The following BAALC variants were observed in gnomAD, a reference collection of about 807,000 sequenced individuals.
The protein encoded by BAALC is BAALC binder of MAP3K1 and KLF4.
A neutral mutation model predicts 15.5 loss-of-function variants in BAALC; 9 were observed. The ratio of observed to expected loss-of-function variants is 0.58; its 90% confidence interval spans 0.35 to 1.02. The LOEUF (loss-of-function observed/expected upper bound fraction) is 1.02. Ranked by LOEUF, BAALC falls within the 50% of genes least tolerant of loss-of-function variation. The pLI, the probability that BAALC is intolerant of heterozygous loss-of-function variation, is 0.02. For missense variants in BAALC, 201 were observed against 192.4 expected (o/e 1.04, Z -0.27); for synonymous variants, 80 against 74.6 (o/e 1.07, Z -0.37).
rs187065465 is a variant in BAALC at position 103,186,838 on chromosome 8, T to C, written c.161-26081T>C. 1.0e-3 allele frequency among the ~76,000 whole-genome samples: 152 copies of C among 152,290 alleles called. 2 individuals carry two copies. The highest frequency in any genetic ancestry group is 3.5e-3 in the African/African-American group (144 of 41,554). On this transcript the variant is annotated intron_variant, in intron 1 of 2. Coordinates refer to ENST00000309982, the MANE Select transcript of BAALC (RefSeq NM_024812.3). ...CTTGAGCTGAGCTATTTCATATGGT[T>C]CAAGGTTATGCAATTTTCCAAGTTT...
chr8:103,213,899 T>C (rs1395345534), intron 2 of BAALC, among the ~76,000 whole-genome samples: 1 of 152,136 alleles, frequency 6.6e-6, no homozygotes, highest in Non-Finnish European at 1.5e-5. Flanking sequence ...AACCAATCAC[T>C]GTGACAATGG....
At chr8:103,184,176 T>G (rs754582648) in intron 1 of BAALC, among the ~76,000 whole-genome samples, 1 of 152,238 alleles carries the variant, frequency 6.6e-6, no homozygotes, top group Non-Finnish European at 1.5e-5. Flanking sequence ...CTCTTTTACC[T>G]TTAAGGACTT....
chr8:103,195,421 G>T, intron 1 of BAALC, among the ~76,000 whole-genome samples: 1 of 152,312 alleles, frequency 6.6e-6, no homozygotes, highest in Non-Finnish European at 1.5e-5. Flanking sequence ...AATGGCAAAT[G>T]CAATCGCTCA....
intron 1 of BAALC, among the ~76,000 whole-genome samples, chr8:103,209,084 T>G (rs1367200237): frequency 6.6e-6 from 1 of 152,022 alleles, no homozygotes; most frequent in Non-Finnish European, 1.5e-5. Flanking sequence ...AATGGCAACA[T>G]CTGGAGGCTG....
chr8:103,159,065 T>C (rs1189114881), intron 1 of BAALC, among the ~76,000 whole-genome samples: 1 of 152,156 alleles, frequency 6.6e-6, no homozygotes, highest in Non-Finnish European at 1.5e-5. Flanking sequence ...AATTAATTAA[T>C]TAATTGAAAA....
intron 2 of BAALC, chr8:103,213,342 C>T (rs1812493982): frequency 2.6e-6 from 1 of 389,162 alleles, no homozygotes; most frequent in East Asian, 4.2e-5. Context: ...TTTCTGTGGC[C>T]ACTGTCACCA....
chr8:103,194,189 A>G (rs1586419453), intron 1 of BAALC, among the ~76,000 whole-genome samples: 1 of 152,126 alleles, frequency 6.6e-6, no homozygotes, highest in South Asian at 2.1e-4. Context: ...TTTTCCACCT[A>G]AAGCCTATTA....
chr8:103,192,331 C>G (rs558746825), intron 1 of BAALC, among the ~76,000 whole-genome samples: 3 of 152,178 alleles, frequency 2.0e-5, no homozygotes, highest in Non-Finnish European at 2.9e-5. Flanking sequence ...GGATTACAGG[C>G]GTGAGCCACC....
intron 1 of BAALC, among the ~76,000 whole-genome samples, chr8:103,166,618 G>A (rs1314626309): frequency 6.6e-6 from 1 of 152,164 alleles, no homozygotes; most frequent in Admixed American, 6.5e-5. Context: ...TGTCTTGAAA[G>A]ATCTGATTTT....
At chr8:103,167,627 A>G (rs561810109) in intron 1 of BAALC, among the ~76,000 whole-genome samples, 5 of 152,290 alleles carry the variant, frequency 3.3e-5, no homozygotes, top group African/African-American at 9.6e-5. Flanking sequence ...TTCTAGCAAA[A>G]GGAACAGCAT....
intron 1 of BAALC, among the ~76,000 whole-genome samples, chr8:103,171,439 G>C (rs532462669): frequency 6.6e-6 from 1 of 150,554 alleles, no homozygotes; most frequent in Admixed American, 6.6e-5. Context: ...TAAAAAGAAA[G>C]AGAAAGAAAG....
intron 2 of BAALC, among the ~76,000 whole-genome samples, chr8:103,226,296 T>C (rs555612351): frequency 1.4e-3 from 208 of 152,350 alleles, no homozygotes; most frequent in Non-Finnish European, 2.5e-3. Flanking sequence ...GCTAAATGGC[T>C]TGTGGGAGCT....
intron 2 of BAALC, among the ~76,000 whole-genome samples, chr8:103,225,654 C>T (rs1160096012): frequency 6.6e-6 from 1 of 152,056 alleles, no homozygotes; most frequent in African/African-American, 2.4e-5. Flanking sequence ...GATTTGTACC[C>T]CCAAGAGGCT....
chr8:103,208,968 G>A (rs1224352771), intron 1 of BAALC, among the ~76,000 whole-genome samples: 1 of 152,150 alleles, frequency 6.6e-6, no homozygotes, highest in African/African-American at 2.4e-5. Context: ...CAAGGGAGTG[G>A]CCATCCCCAT....
intron 1 of BAALC, among the ~76,000 whole-genome samples, chr8:103,165,220 G>A (rs184133811): frequency 1.3e-3 from 197 of 152,224 alleles, no homozygotes; most frequent in African/African-American, 4.5e-3. Context: ...TTGCATTTCT[G>A]TGTTACATCA....
At chr8:103,199,205 A>G (rs1435579483) in intron 1 of BAALC, among the ~76,000 whole-genome samples, 1 of 152,212 alleles carries the variant, frequency 6.6e-6, no homozygotes, top group African/African-American at 2.4e-5. Context: ...TGCACATTTT[A>G]AACATGAATA....
chr8:103,225,669 G>A (rs887057101), intron 2 of BAALC, among the ~76,000 whole-genome samples: 4 of 152,110 alleles, frequency 2.6e-5, no homozygotes, highest in Non-Finnish European at 4.4e-5. Context: ...GAGGCTAAGG[G>A]GCAGCCTTTT....
intron 2 of BAALC, among the ~76,000 whole-genome samples, chr8:103,216,805 A>C (rs1339531470): frequency 6.6e-6 from 1 of 152,250 alleles, no homozygotes; most frequent in Non-Finnish European, 1.5e-5. Context: ...TATGTGGTCT[A>C]GGTATGACAT....
Position 103,228,142 on chromosome 8 carries a change from C to A in BAALC, c.*43C>A. On this transcript the variant is annotated 3_prime_UTR_variant, in exon 3 of 3. Coordinates refer to ENST00000309982, the MANE Select transcript of BAALC (RefSeq NM_024812.3). ...AGGGCAGATGGACTTCTTCAGTGTC[C>A]TTCACGGCACTGGATCCCATCAAAG... 1 of 1,300,230 alleles carries A rather than the reference C, an allele frequency of 7.7e-7. No homozygotes were observed. The highest frequency in any genetic ancestry group is 1.1e-6 in the Non-Finnish European group (1 of 899,982). The allele number at this position is 1,300,230 out of a possible 1,614,324, so 80.5% of individuals were successfully genotyped here.
Sources: gnomAD v4.1 joint callset for allele counts (sites outside exome capture counted in the v4.1 genomes callset) on GRCh38, gnomAD v4.1.1 for gene constraint, MANE v1.5 for transcripts, NCBI Gene and HGNC (gene_info 2026-07-23, HGNC 2026-07-21) for gene names.